Variants in POR observed in about 807,000 individuals in gnomAD.
The protein encoded by POR is NADPH--cytochrome P450 reductase.
Under a neutral mutation model 84.0 loss-of-function variants are expected in POR, and 56 were observed. That is an observed-to-expected ratio of 0.67 (90% CI 0.54 to 0.83). The LOEUF (loss-of-function observed/expected upper bound fraction) is 0.83. POR is among the 40% of genes least tolerant of loss of function. The pLI is 0.00. For synonymous variants in POR, 414 were observed against 400.5 expected, an observed-to-expected ratio of 1.03 and a Z score of -0.40; for missense variants, 938 against 944.3, an observed-to-expected ratio of 0.99 and a Z score of 0.09.
At chr7:75,960,879 G>T (rs1787906245) in intron 2 of POR, among the ~76,000 whole-genome samples, 1 of 152,124 alleles carries the variant, frequency 6.6e-6, no homozygotes, top group Non-Finnish European at 1.5e-5. Flanking sequence ...TGGCCTCCAG[G>T]CTGGGTTTGG....
chr7:75,916,833 G>A (rs11763219), intron 1 of POR, among the ~76,000 whole-genome samples: 31,800 of 151,766 alleles, frequency 0.21, 5,315 homozygotes, highest in African/African-American at 0.45. Context: ...GGTAGTAGGA[G>A]TTTATAAATG....
At position 75,967,954 on chromosome 7, in the gene POR, A is replaced by G. The variant is rs138694834; in HGVS notation, c.189-4459A>G. The G allele has an allele frequency of 4.6e-5, 20 of 430,298 alleles. No individual in the cohort carries two copies. The East Asian group carries it at 6.5e-4, about 14-fold the overall frequency. The allele number at this position is 430,298 out of a possible 1,614,324, so 26.7% of individuals were successfully genotyped here. ...CACTTTGAGGCCACGGGCCCAGGCA[A>G]CTTCCTCACCAGTACGGAACAGGGG... On this transcript the variant is annotated intron_variant, in intron 2 of 15. Transcript: ENST00000461988.
intron 2 of POR, among the ~76,000 whole-genome samples, chr7:75,964,685 A>G (rs1294410543): frequency 1.3e-5 from 2 of 152,140 alleles, no homozygotes; most frequent in Non-Finnish European, 2.9e-5. Context: ...TTTTATACAT[A>G]TATTTAAAAT....
intron 1 of POR, among the ~76,000 whole-genome samples, chr7:75,941,970 G>A (rs1554551572): frequency 6.6e-6 from 1 of 152,136 alleles, no homozygotes; most frequent in Non-Finnish European, 1.5e-5. Context: ...TCTAATCCCA[G>A]CACTCTTGGA....
intron 6 of POR, 81 bp downstream of exon 6, chr7:75,981,253 G>C: frequency 6.8e-7 from 1 of 1,460,448 alleles, no homozygotes; most frequent in Non-Finnish European, 9.1e-7. Context: ...GCACACCATT[G>C]TGTCAGCTGA....
At chr7:75,925,553 C>G (rs915039245) in intron 1 of POR, among the ~76,000 whole-genome samples, 1 of 152,126 alleles carries the variant, frequency 6.6e-6, no homozygotes, top group Non-Finnish European at 1.5e-5. Flanking sequence ...GTGCTTTTCC[C>G]TGGGCCTTTA....
chr7:75,919,382 C>CGTGCGTGTGTGTGTGTGT lies in POR; in HGVS notation c.-5+4206_-5+4207insCGTGTGTGTGTGTGTGTG, dbSNP rs147421179. On this transcript the variant is annotated intron_variant, in intron 1 of 15. Transcript: ENST00000461988. ...ACACGCCTGTCTGCATCTGTGCGTG[C>CGTGCGTGTGTGTGTGTGT]GTGTGTGTGTGTGTGTGTGTGTGTG... Among the ~76,000 whole-genome samples the CGTGCGTGTGTGTGTGTGT allele has an allele frequency of 5.1e-3, 751 of 146,508 alleles. 3 individuals are homozygous for CGTGCGTGTGTGTGTGTGT. Among genetic ancestry groups the CGTGCGTGTGTGTGTGTGT allele is most frequent in the Middle Eastern group, 0.022 (6 of 278 alleles).
At position 75,983,822 on chromosome 7, in the gene POR, C is replaced by T; in HGVS notation, c.1032C>T (p.Asp344=). The stretch of plus-strand genomic sequence containing the variant: ...AGCTGGGCAAAATCCTGGGTGCCGA[C>T]CTGGACGTCGTCATGTCCCTGAACA... Residue 344 remains aspartate (D), a synonymous_variant, in exon 10 of 16, where the codon GAC becomes GAT. Transcript: ENST00000461988. The T allele has an allele frequency of 2.5e-6, 4 of 1,611,584 alleles. No individual in the cohort carries two copies. Among genetic ancestry groups the T allele is most frequent in the Non-Finnish European group, 3.4e-6 (4 of 1,179,348 alleles).
At chr7:75,963,711 G>A (rs1318818579) in intron 2 of POR, among the ~76,000 whole-genome samples, 3 of 152,218 alleles carry the variant, frequency 2.0e-5, no homozygotes, top group Non-Finnish European at 2.9e-5. Context: ...GAGGCCAAGT[G>A]TGGAGGCTGG....
At chr7:75,919,847 C>T (rs1375600681) in intron 1 of POR, among the ~76,000 whole-genome samples, 3 of 151,998 alleles carry the variant, frequency 2.0e-5, no homozygotes, top group African/African-American at 7.2e-5. Context: ...AAAGAGGTGA[C>T]TTGGATAGGG....
At chr7:75,931,269 G>A (rs1027876695) in intron 1 of POR, among the ~76,000 whole-genome samples, 1 of 152,174 alleles carries the variant, frequency 6.6e-6, no homozygotes, top group African/African-American at 2.4e-5. Context: ...ATGCCACAAC[G>A]TGGATGGACC....
At chr7:75,925,083 T>C (rs1807051704) in intron 1 of POR, among the ~76,000 whole-genome samples, 1 of 152,100 alleles carries the variant, frequency 6.6e-6, no homozygotes, top group Non-Finnish European at 1.5e-5. Context: ...GAGGTGATGG[T>C]GTCAAAAAGC....
At chr7:75,953,936 C>T (rs1249375615) in intron 1 of POR, 53 bp from the exon 2 acceptor site, 1 of 1,440,606 alleles carries the variant, frequency 6.9e-7, no homozygotes, top group African/African-American at 1.4e-5. Context: ...CAGCCAGCCT[C>T]AGGGGCACCC....
chr7:75,974,352 T>C (rs574201921), intron 3 of POR, among the ~76,000 whole-genome samples: 1 of 152,174 alleles, frequency 6.6e-6, no homozygotes, highest in South Asian at 2.1e-4. Flanking sequence ...GTGAGAAAAC[T>C]GTTCCCCACA....
Position 75,967,107 on chromosome 7 carries a change from T to C in POR, c.189-5306T>C, listed in dbSNP as rs537616904. Among the ~76,000 whole-genome samples the C allele has an allele frequency of 7.1e-4, 108 of 152,308 alleles. 1 individual carries two copies. Among genetic ancestry groups the C allele is most frequent in the South Asian group, 4.1e-3 (20 of 4,828 alleles). ...CTCCTACCTCAGCCTCCCAAGTAGC[T>C]GGGATCACAGACGCACACCTCTACA... On this transcript the variant is annotated intron_variant, in intron 2 of 15. Transcript: ENST00000461988.
intron 7 of POR, 58 bp from the exon 8 acceptor site, chr7:75,982,166 C>A (rs1789087789): frequency 7.4e-7 from 1 of 1,359,812 alleles, no homozygotes. Flanking sequence ...TCCAACCCCT[C>A]CCTCTCGGGA....
intron 2 of POR, among the ~76,000 whole-genome samples, chr7:75,965,955 G>T (rs1788162072): frequency 6.6e-6 from 1 of 152,112 alleles, no homozygotes; most frequent in Non-Finnish European, 1.5e-5. Flanking sequence ...CGGGGGAGGT[G>T]CACCTTGCTT....
At position 75,953,971 on chromosome 7, in the gene POR, G is replaced by C. The variant is rs1554553299; in HGVS notation, c.-4-18G>C. The C allele has an allele frequency of 6.4e-7, 1 of 1,553,066 alleles. No individual in the cohort carries two copies. The highest frequency in any genetic ancestry group is 8.7e-7 in the Non-Finnish European group (1 of 1,145,212). On this transcript the variant is annotated intron_variant, in intron 1 of 15. Transcript: ENST00000461988. ...CTGCTACCCTCTGCTGACATCTGCT[G>C]TTTCTGTCTCCTAACAGTTTCATGA...
chr7:75,937,935 G>T (rs1554551063), intron 1 of POR, among the ~76,000 whole-genome samples: 1 of 152,212 alleles, frequency 6.6e-6, no homozygotes. Context: ...GCTTAGGGGA[G>T]CTGTGGTCTC....
Sources: gnomAD v4.1 joint callset for allele counts (sites outside exome capture counted in the v4.1 genomes callset) on GRCh38, gnomAD v4.1.1 for gene constraint, MANE v1.5 for transcripts, NCBI Gene and HGNC (gene_info 2026-07-23, HGNC 2026-07-21) for gene names.